Variants in ACACB observed in about 807,000 individuals in gnomAD.
ACACB encodes acetyl-CoA carboxylase beta.
A neutral mutation model predicts 278.8 loss-of-function variants in ACACB; 209 were observed. That is an observed-to-expected ratio of 0.75 (90% CI 0.67 to 0.84). The LOEUF is 0.84. Among genes scored for constraint, ACACB ranks in the 40% least tolerant of loss-of-function variants. The probability of loss-of-function intolerance (pLI) is 0.00; values close to 1 mark genes in which losing one functional copy is unlikely to be tolerated. For missense variants in ACACB, 2,850 were observed against 3,269.0 expected, an observed-to-expected ratio of 0.87 and a Z score of 3.13; for synonymous variants, 1,174 against 1,285.6, an observed-to-expected ratio of 0.91 and a Z score of 1.86.
chr12:109,266,503 G>A lies in ACACB; in HGVS notation c.*141G>A. On this transcript the variant is annotated 3_prime_UTR_variant, in exon 53 of 53. Coordinates refer to ENST00000338432, the MANE Select transcript of ACACB (RefSeq NM_001093.4). ...ACTTCTGCAGGGCTGCTGGTTCCGAGCTGACACCCGTCTTAACAAAAGGCC... is the reference window on the plus strand; with the variant it reads ...ACTTCTGCAGGGCTGCTGGTTCCGAACTGACACCCGTCTTAACAAAAGGCC... 6.4e-6 allele frequency: 7 copies of A among 1,087,622 alleles called. No individual in the cohort carries two copies. Among genetic ancestry groups the A allele is most frequent in the Non-Finnish European group, 8.7e-6 (7 of 808,526 alleles). The allele number at this position is 1,087,622 out of a possible 1,614,324, so 67.4% of individuals were successfully genotyped here.
At position 109,241,282 on chromosome 12, in the gene ACACB, G is replaced by T; in HGVS notation, c.5022+1G>T. ...AGTGACTGACTCCAGATCTGGAAAT[G>T]TAAGGCTGGCCCGCGCCGTGGGGGT... On this transcript the variant is annotated splice_donor_variant, in intron 36 of 52. Transcript: ENST00000338432. LOFTEE classifies it high-confidence loss of function. 6.2e-7 allele frequency: 1 copy of T among 1,614,092 alleles called. No individual in the cohort carries two copies. Among genetic ancestry groups the T allele is most frequent in the Non-Finnish European group, 8.5e-7 (1 of 1,179,966 alleles).
intron 4 of ACACB, among the ~76,000 whole-genome samples, chr12:109,170,921 C>A (rs1445275337): frequency 1.3e-5 from 2 of 151,664 alleles, no homozygotes; most frequent in Non-Finnish European, 2.9e-5. Flanking sequence ...ATTGTAGCCT[C>A]GACCTTCTAG....
At chr12:109,256,298 G>A (rs1565978814) in intron 45 of ACACB, 62 bp downstream of exon 45, 1 of 1,407,470 alleles carries the variant, frequency 7.1e-7, no homozygotes, top group East Asian at 2.3e-5. Context: ...GGGCCCCGAG[G>A]TGTGAGGCCA....
At chr12:109,111,363 T>A in the ACACB span, 1 of 151,888 alleles carries the variant, frequency 6.6e-6, no homozygotes, top group Admixed American at 6.6e-5. Context: ...GCCGCCTGCA[T>A]CCCCCGCTCA....
At chr12:109,172,449 C>T (rs190653005) in intron 6 of ACACB, 93 bp downstream of exon 6, 454 of 1,204,570 alleles carry the variant, frequency 3.8e-4, no homozygotes, top group Non-Finnish European at 5.1e-4. Context: ...TCCTGTAAAG[C>T]GGAGGTCCGT....
Position 109,167,988 on chromosome 12 carries a change from C to A in ACACB, c.879C>A (p.Ile293=). Residue 293 remains isoleucine, a synonymous_variant, in exon 4 of 53, where the codon ATC becomes ATA. Coordinates refer to ENST00000338432, the MANE Select transcript of ACACB (RefSeq NM_001093.4). ...AGATGTTCCGCAACGAGCGGGCCAT[C>A]CGGTTTGTTGTGATGGTGACCCCCG... ...AYEMFRNERA[I]RFVVMVTPED... is the part of the protein sequence containing the mutation. 1 of 1,613,802 alleles carries A rather than the reference C, an allele frequency of 6.2e-7. No homozygotes were observed. Among genetic ancestry groups the A allele is most frequent in the South Asian group, 1.1e-5 (1 of 91,074 alleles).
At chr12:109,116,165 G>A (rs550875472), upstream of ACACB, among the ~76,000 whole-genome samples, 3 of 152,298 alleles carry the variant, frequency 2.0e-5, no homozygotes, top group South Asian at 2.1e-4. Flanking sequence ...ATTAAGTGGC[G>A]TGATTTGAGA....
In ACACB at chr12:109,247,624, C is replaced by G; in HGVS notation, c.5590C>G (p.Leu1864Val). ...TTTTAAGGGATTTAAATACCTGTAC[C>G]TGACTCCCCAAGACTACACCAGAAT... ...DPHKGFKYLYLTPQDYTRISS... is the reference protein window; with the variant it reads ...DPHKGFKYLYVTPQDYTRISS... Residue 1864 changes from leucine (L) to valine (V), a missense_variant, in exon 40 of 53, where the codon CTG becomes GTG. Transcript: ENST00000338432. 6.2e-7 allele frequency: 1 copy of G among 1,613,562 alleles called. No individual in the cohort carries two copies. The highest frequency in any genetic ancestry group is 8.5e-7 in the Non-Finnish European group (1 of 1,179,734).
At chr12:109,171,040 G>C (rs2044097896) in intron 4 of ACACB, among the ~76,000 whole-genome samples, 2 of 132,626 alleles carry the variant, frequency 1.5e-5, no homozygotes, top group Non-Finnish European at 3.1e-5. Flanking sequence ...TTTTTGTGGA[G>C]ACAAAGTCTC....
Position 109,254,073 on chromosome 12 carries a change from A to G in ACACB, c.6046-141A>G, listed in dbSNP as rs552470950. 68 of 967,324 alleles carry G rather than the reference A, an allele frequency of 7.0e-5. No individual in the cohort carries two copies. In the African/African-American group the frequency reaches 1.0e-3, roughly 15 times the overall value. The allele number at this position is 967,324 out of a possible 1,614,324, so 59.9% of individuals were successfully genotyped here. A position where few individuals can be genotyped will look rare whatever the true frequency, so the allele number is the denominator to read the frequency against. ...AGTCCTTATCTGGCATTTTCCAATC[A>G]GAGCAGTGGCTTCAGGAGCCCTAGG... On this transcript the variant is annotated intron_variant, in intron 43 of 52. Coordinates refer to ENST00000338432, the MANE Select transcript of ACACB (RefSeq NM_001093.4).
In ACACB at chr12:109,201,890, C is replaced by G. The variant is rs913361272; in HGVS notation, c.2913+189C>G. On this transcript the variant is annotated intron_variant, in intron 19 of 52. Coordinates refer to ENST00000338432, the MANE Select transcript of ACACB (RefSeq NM_001093.4). ...AAGCCGCGCCCTGCTTTACTCAGAT[C>G]CCTCTCTGTGGCTCTCCATCCTGCT... Among the ~76,000 whole-genome samples, 14 of 152,194 alleles carry G rather than the reference C, an allele frequency of 9.2e-5. 1 individual carries two copies. The highest frequency in any genetic ancestry group is 3.1e-4 in the African/African-American group (13 of 41,460).
chr12:109,241,353 T>C (rs2046794733), intron 36 of ACACB, 72 bp downstream of exon 36: 2 of 1,486,456 alleles, frequency 1.3e-6, no homozygotes, highest in African/African-American at 2.8e-5. Flanking sequence ...AATTTGTAGA[T>C]TAAGATGGCA....
At chr12:109,236,510 G>A (rs1355579227) in intron 33 of ACACB, 1 of 152,532 alleles carries the variant, frequency 6.6e-6, no homozygotes, top group African/African-American at 2.4e-5. Flanking sequence ...GTCTACTCTG[G>A]CTTTCACTCT....
chr12:109,264,302 G>T lies in ACACB; in HGVS notation c.6858G>T (p.Leu2286=), dbSNP rs2047456134. The change falls in exon 50 of 53, where the codon CTG becomes CTT. Residue 2286 remains leucine, a synonymous_variant. Transcript: ENST00000338432. The part of the protein sequence containing the change: ...EGRLKAREDL[L]LPIYHQVAVQ... ...GGCTAAAGGCTCGCGAGGACCTGCTGCTCCCCATCTACCACCAGGTGGCGG... is the reference window on the plus strand; with the variant it reads ...GGCTAAAGGCTCGCGAGGACCTGCTTCTCCCCATCTACCACCAGGTGGCGG... 1 of 1,614,032 alleles carries T rather than the reference G, an allele frequency of 6.2e-7. No individual in the cohort carries two copies. Among genetic ancestry groups the T allele is most frequent in the African/African-American group, 1.3e-5 (1 of 74,910 alleles).
intron 33 of ACACB, 117 bp downstream of exon 33, chr12:109,235,764 G>A (rs1290042784): frequency 3.4e-6 from 3 of 893,052 alleles, no homozygotes; most frequent in Non-Finnish European, 5.1e-6. Context: ...TTGGGAGGCT[G>A]AGGCAGGAGG....
chr12:109,195,579 A>G (rs2045093626), intron 16 of ACACB, among the ~76,000 whole-genome samples: 1 of 152,268 alleles, frequency 6.6e-6, no homozygotes, highest in South Asian at 2.1e-4. Context: ...GCTAATGCCT[A>G]GAGGTAATCC....
Position 109,141,624 on chromosome 12 carries a change from C to T in ACACB, c.653+1566C>T, listed in dbSNP as rs959620999. On this transcript the variant is annotated intron_variant, in intron 2 of 52. Coordinates refer to ENST00000338432, the MANE Select transcript of ACACB (RefSeq NM_001093.4). The stretch of plus-strand genomic sequence containing the variant: ...CTTTTAAGCATCTCCTGTACTCTCT[C>T]CCAAATTAGAAAAATCTAGAGGTGG... 5.3e-5 allele frequency among the ~76,000 whole-genome samples: 8 copies of T among 152,300 alleles called. No individual in the cohort carries two copies. The South Asian group carries it at 1.5e-3, about 28-fold the overall frequency.
chr12:109,130,313 T>A (rs2135976104), intron 1 of ACACB, among the ~76,000 whole-genome samples: 1 of 152,294 alleles, frequency 6.6e-6, no homozygotes, highest in East Asian at 1.9e-4. Flanking sequence ...AGACTGATGA[T>A]CAGGGAGGGC....
At chr12:109,212,993 G>T in intron 22 of ACACB, 57 bp downstream of exon 22, 1 of 1,489,138 alleles carries the variant, frequency 6.7e-7, no homozygotes, top group Non-Finnish European at 9.4e-7. Context: ...CGCATGCATT[G>T]CACCAGGGTG....
Sources: allele counts gnomAD v4.1 joint callset (sites outside exome capture counted in the v4.1 genomes callset), GRCh38; gene constraint gnomAD v4.1.1; transcripts MANE v1.5; gene names NCBI Gene and HGNC (gene_info 2026-07-23, HGNC 2026-07-21).